Variants in TUBGCP5 observed in about 807,000 individuals in gnomAD.
TUBGCP5 encodes the protein tubulin gamma complex component 5.
TUBGCP5 carries 98 observed loss-of-function variants against 134.7 expected under a neutral mutation model. The observed-to-expected ratio is 0.73, with a 90% CI of 0.62 to 0.86. TUBGCP5 has a LOEUF of 0.86. TUBGCP5 is among the 40% of genes least tolerant of loss of function. The pLI is 0.00. For synonymous variants in TUBGCP5, 456 were observed against 431.4 expected (o/e 1.06, Z -0.71); for missense variants, 1,150 against 1,244.8 (o/e 0.92, Z 1.15).
At chr15:23,001,579 G>C (rs1359150018) in intron 21 of TUBGCP5, among the ~76,000 whole-genome samples, 1 of 152,074 alleles carries the variant, frequency 6.6e-6, no homozygotes, top group African/African-American at 2.4e-5. Context: ...CTGACCTCAG[G>C]AGATCCGCCC....
downstream of TUBGCP5, among the ~76,000 whole-genome samples, chr15:22,994,412 T>C (rs1364505328): frequency 6.6e-6 from 1 of 152,150 alleles, no homozygotes; most frequent in Non-Finnish European, 1.5e-5. Flanking sequence ...ACAGATAGGA[T>C]AGGGCGATGT....
chr15:23,019,830 C>CA (rs980501916), intron 11 of TUBGCP5, among the ~76,000 whole-genome samples: 1 of 151,974 alleles, frequency 6.6e-6, no homozygotes, highest in African/African-American at 2.4e-5. Context: ...AAGAAAAACT[C>CA]ACCTAAATAT....
rs747665762 is a variant in TUBGCP5, at chr15:23,017,864, G to A, written c.1665C>T (p.Val555=). 1.2e-6 allele frequency: 2 copies of A among 1,614,114 alleles called. No homozygotes were observed. The highest frequency in any genetic ancestry group is 4.5e-5 in the East Asian group (2 of 44,872). ...QHTMVSFLKP[V]LKQIIMAGKS... is the part of the protein sequence containing the mutation. ...TGCCAGCCATTATGATCTGCTTCAG[G>A]ACAGGTTTGAGGAAGGACACCATGG... is the stretch of plus-strand genomic sequence containing the variant. The change falls in exon 13 of 23, where the codon GTC becomes GTT. Residue 555 remains valine, a synonymous_variant. Coordinates refer to ENST00000615383, the MANE Select transcript of TUBGCP5 (RefSeq NM_052903.6).
At chr15:22,988,551 G>A (rs1203107546) in intron 23 of TUBGCP5, among the ~76,000 whole-genome samples, 1 of 151,398 alleles carries the variant, frequency 6.6e-6, no homozygotes, top group Non-Finnish European at 1.5e-5. Context: ...GGCTAACACA[G>A]TGAAACCCCG....
Position 22,991,121 on chromosome 15 carries a change from C to T in TUBGCP5, c.*61+5724G>A, listed in dbSNP as rs531125130. ...TAAATTACTTTTTTTTTTTTTGAGA[C>T]GGAGTCTCGCGCGCTCACCAGGCTG... On this transcript the variant is annotated intron_variant and NMD_transcript_variant, in intron 23 of 23. Transcript: ENST00000614508. 1.9e-3 allele frequency among the ~76,000 whole-genome samples: 283 copies of T among 150,016 alleles called. 1 individual carries two copies. The highest frequency in any genetic ancestry group is 4.2e-3 in the African/African-American group (173 of 40,916).
intron 5 of TUBGCP5, 31 bp from the exon 6 acceptor site, chr15:23,031,051 TAC>T (rs1469992572): frequency 3.8e-6 from 6 of 1,591,912 alleles, no homozygotes; most frequent in Non-Finnish European, 5.1e-6. Context: ...ACTTTAGCTT[TAC>T]AGAGTATAAC....
At chr15:23,032,601 C>G (rs1290778102) in intron 4 of TUBGCP5, 127 bp downstream of exon 4, 2 of 618,658 alleles carry the variant, frequency 3.2e-6, no homozygotes, top group African/African-American at 3.8e-5. Context: ...GTGATAGCAT[C>G]TAAAGCAATA....
At chr15:23,016,825 G>A (rs1405334428) in intron 13 of TUBGCP5, among the ~76,000 whole-genome samples, 1 of 151,540 alleles carries the variant, frequency 6.6e-6, no homozygotes. Context: ...CAATCCCACT[G>A]GTGGGCATTT....
intron 6 of TUBGCP5, among the ~76,000 whole-genome samples, chr15:23,027,624 C>CA (rs2066053357): frequency 6.6e-6 from 1 of 151,686 alleles, no homozygotes; most frequent in African/African-American, 2.4e-5. Flanking sequence ...GGGATGGTGG[C>CA]ATGTGCTTGT....
intron 12 of TUBGCP5, 130 bp downstream of exon 12, chr15:23,019,089 T>G: frequency 1.8e-6 from 1 of 565,238 alleles, no homozygotes; most frequent in Non-Finnish European, 3.0e-6. Flanking sequence ...TTGCCTATGA[T>G]GACGACAAGT....
intron 13 of TUBGCP5, among the ~76,000 whole-genome samples, 184 bp from the exon 14 acceptor site, chr15:23,011,515 A>AT (rs1021602628): frequency 6.7e-6 from 1 of 148,534 alleles, no homozygotes; most frequent in African/African-American, 2.4e-5. Context: ...AATAATATAT[A>AT]TTTTTTGAGA....
Position 23,005,642 on chromosome 15 carries a change from A to G in TUBGCP5, c.2534-32T>C, listed in dbSNP as rs371487715. ...AACATTGGAAGAGCAAAGTGGACAGAAAGAGCATCAACTCAAACCCCACTG... is the reference window on the plus strand; with the variant it reads ...AACATTGGAAGAGCAAAGTGGACAGGAAGAGCATCAACTCAAACCCCACTG... On this transcript the variant is annotated intron_variant, in intron 18 of 22. Coordinates refer to ENST00000615383, the MANE Select transcript of TUBGCP5 (RefSeq NM_052903.6). 36 of 1,598,074 alleles carry G rather than the reference A, an allele frequency of 2.3e-5. No individual in the cohort carries two copies. The African/African-American group carries it at 3.3e-4, about 15-fold the overall frequency.
Position 23,006,058 on chromosome 15 carries a change from A to C in TUBGCP5, c.2527T>G (p.Phe843Val). The change falls in exon 18 of 23, where the codon TTT becomes GTT. Residue 843 changes from phenylalanine to valine, a missense_variant. This residue lies in a region of TUBGCP5 where 697 missense variants were observed against 850.1 expected (regional missense o/e 0.82). Coordinates refer to ENST00000615383, the MANE Select transcript of TUBGCP5 (RefSeq NM_052903.6). ...TGCTGAAAACAAATCTTACCACCAAAAAGTAAAACATCCAGACTATATTTT... is the reference window on the plus strand; with the variant it reads ...TGCTGAAAACAAATCTTACCACCAACAAGTAAAACATCCAGACTATATTTT... The part of the protein sequence containing the change: ...WAKYSLDVLL[F>V]GELVSTAEKP... 2 of 1,592,030 alleles carry C rather than the reference A, an allele frequency of 1.3e-6. No individual in the cohort carries two copies. Among genetic ancestry groups the C allele is most frequent in the Non-Finnish European group, 1.7e-6 (2 of 1,174,868 alleles).
intron 23 of TUBGCP5, among the ~76,000 whole-genome samples, chr15:22,991,636 GC>G (rs2063849052): frequency 6.6e-6 from 1 of 152,160 alleles, no homozygotes; most frequent in Non-Finnish European, 1.5e-5. Flanking sequence ...TGCCACTACT[GC>G]CTTCTTCTTG....
intron 20 of TUBGCP5, among the ~76,000 whole-genome samples, chr15:23,003,632 GTTTTT>G (rs531926227): frequency 0.055 from 4,930 of 88,842 alleles, 234 homozygotes; most frequent in African/African-American, 0.16. Context: ...TCCTCCTTCT[GTTTTT>G]TTTTTTTTTT....
downstream of TUBGCP5, among the ~76,000 whole-genome samples, chr15:22,997,975 T>A (rs1444907430): frequency 6.6e-6 from 1 of 152,014 alleles, no homozygotes; most frequent in Admixed American, 6.6e-5. Flanking sequence ...AATTTAATAG[T>A]AAGCATAATT....
At chr15:23,022,280 G>T in intron 10 of TUBGCP5, 119 bp from the exon 11 acceptor site, 1 of 977,654 alleles carries the variant, frequency 1.0e-6, no homozygotes, top group South Asian at 1.5e-5. Flanking sequence ...GAGGACGGTG[G>T]ATTTTAATCT....
Position 23,017,921 on chromosome 15 carries a change from G to A in TUBGCP5, c.1608C>T (p.Gly536=). 6.2e-7 allele frequency: 1 copy of A among 1,614,186 alleles called. No homozygotes were observed. The highest frequency in any genetic ancestry group is 8.5e-7 in the Non-Finnish European group (1 of 1,180,018). Residue 536 remains glycine, a synonymous_variant, in exon 13 of 23, where the codon GGC becomes GGT. Coordinates refer to ENST00000615383, the MANE Select transcript of TUBGCP5 (RefSeq NM_052903.6). The stretch of plus-strand genomic sequence containing the variant: ...GCCTGCTGGAGGGCCCCTGGTCACT[G>A]CCGGAACTCGCACTAGCGTTATCAC... The part of the protein sequence containing the change: ...KMSDNASASS[G]SDQGPSSRQH...
intron 15 of TUBGCP5, among the ~76,000 whole-genome samples, chr15:23,009,292 G>A (rs1026028562): frequency 3.4e-5 from 5 of 148,958 alleles, no homozygotes; most frequent in African/African-American, 1.2e-4. Flanking sequence ...TTTTTGAGAT[G>A]GAGTCTTGCT....
Sources: allele counts gnomAD v4.1 joint callset (sites outside exome capture counted in the v4.1 genomes callset), GRCh38; gene constraint gnomAD v4.1.1; regional missense constraint gnomAD v4.1.1; transcripts MANE v1.5; gene names NCBI Gene and HGNC (gene_info 2026-07-23, HGNC 2026-07-21).